SPNS2: variants seen among roughly 807,000 people sequenced by gnomAD.
SPNS2 encodes the protein sphingosine-1-phosphate transporter SPNS2.
SPNS2 carries 37 observed loss-of-function variants against 57.6 expected under a neutral mutation model. That is an observed-to-expected ratio of 0.64 (90% CI 0.49 to 0.85). The LOEUF (loss-of-function observed/expected upper bound fraction) is 0.85. Among genes scored for constraint, SPNS2 ranks in the 40% least tolerant of loss-of-function variants. The pLI is 0.00. For synonymous variants in SPNS2, 440 were observed against 346.9 expected, an observed-to-expected ratio of 1.27 and a Z score of -2.98; for missense variants, 831 against 779.1, an observed-to-expected ratio of 1.07 and a Z score of -0.79.
chr17:4,537,299 G>T (rs1905899950), intron 12 of SPNS2, among the ~76,000 whole-genome samples, 154 bp from the exon 13 acceptor site: 1 of 152,244 alleles, frequency 6.6e-6, no homozygotes. Flanking sequence ...CCCTCTGGGA[G>T]TTATAGCTTC....
chr17:4,525,027 G>GCCC, intron 2 of SPNS2, 30 bp from the exon 3 acceptor site: 3 of 1,607,404 alleles, frequency 1.9e-6, no homozygotes, highest in Non-Finnish European at 2.6e-6. Context: ...AGGGACCTGG[G>GCCC]CCCCCCCTCA....
chr17:4,532,194 C>T (rs920058197), intron 5 of SPNS2, among the ~76,000 whole-genome samples: 1 of 152,126 alleles, frequency 6.6e-6, no homozygotes, highest in Non-Finnish European at 1.5e-5. Flanking sequence ...ATCCCTCCAT[C>T]TATCTCTGTC....
chr17:4,529,458 A>C (rs1597367946), intron 3 of SPNS2, among the ~76,000 whole-genome samples: 1 of 152,086 alleles, frequency 6.6e-6, no homozygotes, highest in East Asian at 2.0e-4. Flanking sequence ...TGGGAGGCTG[A>C]GGCAGGCAGA....
chr17:4,532,953 T>C, intron 6 of SPNS2, 24 bp from the exon 7 acceptor site: 1 of 1,600,174 alleles, frequency 6.2e-7, no homozygotes, highest in South Asian at 1.1e-5. Flanking sequence ...CTGAGCTCAG[T>C]GTCACTGCCT....
intron 2 of SPNS2, among the ~76,000 whole-genome samples, chr17:4,516,282 CCAGCCTGGGTGA>C (rs1440580979): frequency 4.2e-5 from 6 of 141,352 alleles, no homozygotes; most frequent in Non-Finnish European, 9.1e-5. Context: ...CCATTGCACT[CCAGCCTGGGTGA>C]CAGAGTGAGA....
At chr17:4,502,029 A>G (rs1376835991) in intron 1 of SPNS2, among the ~76,000 whole-genome samples, 1 of 152,228 alleles carries the variant, frequency 6.6e-6, no homozygotes, top group African/African-American at 2.4e-5. Flanking sequence ...TTAATTCATA[A>G]TATATTTTAT....
chr17:4,527,656 C>G, intron 3 of SPNS2, among the ~76,000 whole-genome samples: 1 of 152,176 alleles, frequency 6.6e-6, no homozygotes, highest in East Asian at 1.9e-4. Flanking sequence ...CTCAGCTTCT[C>G]TAGTAACCAG....
intron 1 of SPNS2, 89 bp from the exon 2 acceptor site, chr17:4,513,158 G>A: frequency 2.1e-6 from 3 of 1,429,182 alleles, no homozygotes; most frequent in Non-Finnish European, 3.0e-6. Flanking sequence ...GCCAGGCTGG[G>A]CCCTGCAAGG....
In SPNS2 at chr17:4,536,956, G is replaced by A. The variant is rs780052230; in HGVS notation, c.*4+10G>A. The A allele has an allele frequency of 6.2e-7, 1 of 1,612,540 alleles. No individual in the cohort carries two copies. Among genetic ancestry groups the A allele is most frequent in the Non-Finnish European group, 8.5e-7 (1 of 1,179,364 alleles). On this transcript the variant is annotated intron_variant, in intron 12 of 12. Coordinates refer to ENST00000329078, the MANE Select transcript of SPNS2 (RefSeq NM_001124758.3). ...GTGAAAGTCTGAGGTGGTGAGTGCA[G>A]GCCGGGAGGCACGTGGGGGCTCCCT...
intron 2 of SPNS2, among the ~76,000 whole-genome samples, chr17:4,517,192 C>T (rs918643571): frequency 6.6e-6 from 1 of 152,212 alleles, no homozygotes; most frequent in Non-Finnish European, 1.5e-5. Flanking sequence ...CTAGTTCCAG[C>T]CCCTGCTCCG....
chr17:4,536,469 C>A, intron 11 of SPNS2, 43 bp downstream of exon 11: 1 of 1,570,726 alleles, frequency 6.4e-7, no homozygotes. Flanking sequence ...CGCCGGGAAG[C>A]AGGGACCGTG....
At chr17:4,506,575 G>C (rs1425914080) in intron 1 of SPNS2, among the ~76,000 whole-genome samples, 1 of 152,212 alleles carries the variant, frequency 6.6e-6, no homozygotes, top group Non-Finnish European at 1.5e-5. Context: ...CCACAGGCCA[G>C]AGGCCCGGCA....
In SPNS2 at chr17:4,499,377, G is replaced by A. The variant is rs1904395407; in HGVS notation, c.330G>A (p.Leu110=). Residue 110 remains leucine, a synonymous_variant, in exon 1 of 13, where the codon TTG becomes TTA. Coordinates refer to ENST00000329078, the MANE Select transcript of SPNS2 (RefSeq NM_001124758.3). This position sits in a 1 kb window ranked among gnomAD's most constrained non-coding sequence, Gnocchi z 5.2. ...GRGAAAAILS[L]GNVLNYLDRY... ...GGGCAGCCGCCGCCATCCTCAGCTTGGGCAACGTGCTCAACTACCTGGACA... is the reference window on the plus strand; with the variant it reads ...GGGCAGCCGCCGCCATCCTCAGCTTAGGCAACGTGCTCAACTACCTGGACA... 1.4e-6 allele frequency: 2 copies of A among 1,405,354 alleles called. No homozygotes were observed. The highest frequency in any genetic ancestry group is 1.8e-6 in the Non-Finnish European group (2 of 1,082,710). 87.1% of individuals were successfully genotyped at this position (1,405,354 alleles called of 1,614,324 possible). A position where few individuals can be genotyped will look rare whatever the true frequency, so the allele number is the denominator to read the frequency against.
intron 5 of SPNS2, 150 bp downstream of exon 5, chr17:4,531,269 TC>T: frequency 1.4e-6 from 1 of 736,106 alleles, no homozygotes; most frequent in Non-Finnish European, 2.3e-6. Context: ...TCCAGATTAG[TC>T]CAGATTGAGG....
chr17:4,521,365 A>G (rs993212083), intron 2 of SPNS2, among the ~76,000 whole-genome samples: 1 of 152,254 alleles, frequency 6.6e-6, no homozygotes, highest in African/African-American at 2.4e-5. Context: ...AGGCAGGCCC[A>G]GCAGGAAAAA....
chr17:4,516,493 CTCTA>C (rs1332647418), intron 2 of SPNS2, among the ~76,000 whole-genome samples: 1 of 152,170 alleles, frequency 6.6e-6, no homozygotes, highest in Non-Finnish European at 1.5e-5. Flanking sequence ...GGTAGATTCC[CTCTA>C]TCTATGGGGG....
intron 3 of SPNS2, among the ~76,000 whole-genome samples, chr17:4,529,405 AG>A (rs1024745221): frequency 7.3e-5 from 11 of 151,454 alleles, no homozygotes; most frequent in Non-Finnish European, 1.2e-4. Flanking sequence ...AAAAGCACAC[AG>A]GGGGCCGGAT....
In SPNS2 at chr17:4,499,946, C is replaced by A. The variant is rs1474281109; in HGVS notation, c.370+529C>A. 6.6e-6 allele frequency among the ~76,000 whole-genome samples: 1 copy of A among 151,824 alleles called. No individual in the cohort carries two copies. The highest frequency in any genetic ancestry group is 2.4e-5 in the African/African-American group (1 of 41,414). Reference sequence around the variant, plus strand: ...GGAGACCGGGTGTGTGTGCGCGTGGCGGCGCGGTTGTGTGTGAGCGCGTGG... The same window carrying A: ...GGAGACCGGGTGTGTGTGCGCGTGGAGGCGCGGTTGTGTGTGAGCGCGTGG... On this transcript the variant is annotated intron_variant, in intron 1 of 12. Coordinates refer to ENST00000329078, the MANE Select transcript of SPNS2 (RefSeq NM_001124758.3). The surrounding 1 kb of genome is among the most constrained non-coding windows in gnomAD (Gnocchi z 5.2).
rs1904399593 is a variant in SPNS2 at position 4,499,509 on chromosome 17, C to T, written c.370+92C>T. 1.3e-6 allele frequency: 1 copy of T among 797,182 alleles called. No individual in the cohort carries two copies. The highest frequency in any genetic ancestry group is 1.8e-6 in the Non-Finnish European group (1 of 563,744). 49.4% of individuals were successfully genotyped at this position (797,182 alleles called of 1,614,324 possible). A position where few individuals can be genotyped will look rare whatever the true frequency, so the allele number is the denominator to read the frequency against. ...AGGTACCCCAGAGAGCTTTTGGTCT[C>T]AGGCCTGCTATCTCCAGGCCCTACG... On this transcript the variant is annotated intron_variant, in intron 1 of 12. Transcript: ENST00000329078. This position sits in a 1 kb window ranked among gnomAD's most constrained non-coding sequence, Gnocchi z 5.2.
Sources: allele counts gnomAD v4.1 joint callset (sites outside exome capture counted in the v4.1 genomes callset), GRCh38; gene constraint gnomAD v4.1.1; non-coding constraint Gnocchi (gnomAD v3.1); transcripts MANE v1.5; gene names NCBI Gene and HGNC (gene_info 2026-07-23, HGNC 2026-07-21).